The following UGT2B7 variants were observed in gnomAD, a reference collection of about 807,000 sequenced individuals.
UGT2B7 encodes the protein UDP glucuronosyltransferase family 2 member B7.
Under a neutral mutation model 51.9 loss-of-function variants are expected in UGT2B7, and 51 were observed. The observed-to-expected ratio is 0.98, with a 90% confidence interval of 0.78 to 1.24. The LOEUF (loss-of-function observed/expected upper bound fraction) is 1.24. Ranked by LOEUF, UGT2B7 falls within the 50% of genes most tolerant of loss-of-function variation. UGT2B7 has a pLI of 0.00. For synonymous variants in UGT2B7, 225 were observed against 211.6 expected, an observed-to-expected ratio of 1.06 and a Z score of -0.55; for missense variants, 727 against 628.4, an observed-to-expected ratio of 1.16 and a Z score of -1.68.
chr4:69,064,082 A>AAGAGAGAGAGAGAG, intron 1 of UGT2B7, among the ~76,000 whole-genome samples: 1 of 102,110 alleles, frequency 9.8e-6, no homozygotes, highest in East Asian at 3.1e-4. Flanking sequence ...GAAAGAAAGA[A>AAGAGAGAGAGAGAG]AGAAAGAAAG....
chr4:69,075,237 C>G (rs1466145539), intron 1 of UGT2B7, among the ~76,000 whole-genome samples: 2 of 152,038 alleles, frequency 1.3e-5, no homozygotes, highest in Admixed American at 6.6e-5. Context: ...GTGGTCCCTC[C>G]CCTTGAAATG....
At chr4:69,055,660 G>A (rs908882073) in intron 1 of UGT2B7, among the ~76,000 whole-genome samples, 11 of 152,112 alleles carry the variant, frequency 7.2e-5, no homozygotes, top group Non-Finnish European at 1.6e-4. Context: ...GTCACTTCAC[G>A]TTATGTTTGT....
intron 1 of UGT2B7, among the ~76,000 whole-genome samples, chr4:69,080,334 G>A (rs1056274775): frequency 6.6e-6 from 1 of 152,026 alleles, no homozygotes; most frequent in Admixed American, 6.6e-5. Flanking sequence ...GATCACCTGA[G>A]GTCAGGAGTT....
chr4:69,067,082 G>A (rs942790706), intron 1 of UGT2B7, among the ~76,000 whole-genome samples: 3 of 152,050 alleles, frequency 2.0e-5, no homozygotes, highest in African/African-American at 7.2e-5. Context: ...CTTCTTTTGT[G>A]GGGGAGGGTG....
intron 1 of UGT2B7, among the ~76,000 whole-genome samples, chr4:69,053,700 G>A (rs978557253): frequency 1.3e-5 from 2 of 152,182 alleles, no homozygotes; most frequent in African/African-American, 4.8e-5. Context: ...ACAGCAGGGA[G>A]GAGACAGCAT....
intron 1 of UGT2B7, chr4:69,066,252 A>G (rs1718482024): frequency 1.3e-5 from 2 of 152,074 alleles, no homozygotes; most frequent in Non-Finnish European, 2.9e-5. Context: ...TGTTTTACAG[A>G]TTATTTCATC....
intron 1 of UGT2B7, among the ~76,000 whole-genome samples, chr4:69,068,813 C>T (rs1718537922): frequency 6.6e-6 from 1 of 151,914 alleles, no homozygotes; most frequent in Non-Finnish European, 1.5e-5. Context: ...AAGCGAGATA[C>T]TTATATGCAT....
chr4:69,054,161 T>C (rs1227896096), intron 1 of UGT2B7, among the ~76,000 whole-genome samples: 1 of 150,586 alleles, frequency 6.6e-6, no homozygotes, highest in Admixed American at 6.6e-5. Flanking sequence ...AAAAAAAAAC[T>C]CATGTCGGCC....
chr4:69,112,110 A>G (rs1211585294), intron 5 of UGT2B7, among the ~76,000 whole-genome samples: 1 of 152,128 alleles, frequency 6.6e-6, no homozygotes, highest in East Asian at 1.9e-4. Context: ...TTAAAGATCG[A>G]CCCCTGACCT....
At chr4:69,092,297 A>C (rs115179596), upstream of UGT2B7, among the ~76,000 whole-genome samples, 1,588 of 152,286 alleles carry the variant, frequency 0.01, 29 homozygotes, top group African/African-American at 0.036. Flanking sequence ...AGGTAAAACT[A>C]AATATATTCT....
chr4:69,112,459 A>G lies in UGT2B7; in HGVS notation c.1313A>G (p.Tyr438Cys), dbSNP rs764088628. 2.0e-5 allele frequency: 32 copies of G among 1,612,916 alleles called. No homozygotes were observed. In the Admixed American group the frequency reaches 2.0e-4, roughly 10 times the overall value. Residue 438 changes from tyrosine to cysteine, a missense_variant and splice_region_variant, in exon 6 of 6, where the codon TAT becomes TGT. By Grantham distance (194) the Tyr-to-Cys change is radical (BLOSUM62 -2). Coordinates refer to ENST00000305231, the MANE Select transcript of UGT2B7 (RefSeq NM_001074.4). The part of the protein sequence containing the change: ...ALKRVINDPS[Y>C]KENVMKLSRI... Reference sequence around the variant, plus strand: ...CTGTCTTTATTTTTATCTTTCAGATATAAAGAGAATGTTATGAAATTATCA... The same window carrying G: ...CTGTCTTTATTTTTATCTTTCAGATGTAAAGAGAATGTTATGAAATTATCA...
intron 1 of UGT2B7, among the ~76,000 whole-genome samples, chr4:69,052,751 T>A (rs1477118183): frequency 6.6e-6 from 1 of 152,006 alleles, no homozygotes. Flanking sequence ...TTATAAAAAT[T>A]TATGCAAAAA....
rs371793551 is a variant in UGT2B7 at position 69,103,389 on chromosome 4, C to T, written c.1002+451C>T. Reference sequence around the variant, plus strand: ...CATGTGGCCCTGGAGGAGTTACTACCCTTGGTATGCATGAGTAGTTCCTAT... The same window carrying T: ...CATGTGGCCCTGGAGGAGTTACTACTCTTGGTATGCATGAGTAGTTCCTAT... On this transcript the variant is annotated intron_variant, in intron 3 of 5. Transcript: ENST00000305231. Among the ~76,000 whole-genome samples the T allele has an allele frequency of 1.6e-4, 25 of 151,986 alleles. 1 individual carries two copies. Among genetic ancestry groups the T allele is most frequent in the Middle Eastern group, 3.4e-3 (1 of 294 alleles).
Position 69,108,127 on chromosome 4 carries a change from T to C in UGT2B7, c.1115T>C (p.Ile372Thr), listed in dbSNP as rs757071222. 1 of 1,613,634 alleles carries C rather than the reference T, an allele frequency of 6.2e-7. No homozygotes were observed. Among genetic ancestry groups the C allele is most frequent in the Non-Finnish European group, 8.5e-7 (1 of 1,179,614 alleles). ...GGTCATCCAAAGACCAGAGCTTTTA[T>C]AACTCATGGTGGAGCCAATGGCATC... ...LLGHPKTRAFITHGGANGIYE... is the reference protein window; with the variant it reads ...LLGHPKTRAFTTHGGANGIYE... Residue 372 changes from isoleucine to threonine, a missense_variant, in exon 5 of 6, where the codon ATA becomes ACA. Transcript: ENST00000305231.
chr4:69,105,690 A>G (rs1719573414), intron 3 of UGT2B7, among the ~76,000 whole-genome samples: 1 of 152,198 alleles, frequency 6.6e-6, no homozygotes, highest in East Asian at 1.9e-4. Flanking sequence ...AATACTGATA[A>G]TACTCTGAAT....
At position 69,062,257 on chromosome 4, in the gene UGT2B7, G is replaced by A. The variant is rs192218639; in HGVS notation, c.-159+10655G>A. Among the ~76,000 whole-genome samples, 10 of 152,148 alleles carry A rather than the reference G, an allele frequency of 6.6e-5. No homozygotes were observed. In the East Asian group the frequency reaches 1.7e-3, roughly 27 times the overall value. On this transcript the variant is annotated intron_variant, in intron 1 of 5. Transcript: ENST00000502942. ...ACAAAACAAACCACACTGGGTATTTGCCCAATGAGATTTTGTTCAGCCAGC... is the reference window on the plus strand; with the variant it reads ...ACAAAACAAACCACACTGGGTATTTACCCAATGAGATTTTGTTCAGCCAGC...
intron 3 of UGT2B7, among the ~76,000 whole-genome samples, chr4:69,106,089 TA>T (rs1719589063): frequency 6.6e-6 from 1 of 152,170 alleles, no homozygotes; most frequent in African/African-American, 2.4e-5. Flanking sequence ...TTTAAAAAAT[TA>T]AATTAATTTA....
intron 1 of UGT2B7, among the ~76,000 whole-genome samples, chr4:69,060,554 T>G (rs1718322485): frequency 6.6e-6 from 1 of 152,204 alleles, no homozygotes; most frequent in South Asian, 2.1e-4. Context: ...CCTTTCTTTT[T>G]ATATGTCCAT....
chr4:69,067,937 ATAT>A (rs1378968117), intron 1 of UGT2B7, among the ~76,000 whole-genome samples: 2 of 152,042 alleles, frequency 1.3e-5, no homozygotes, highest in Non-Finnish European at 2.9e-5. Flanking sequence ...AAAACCATAA[ATAT>A]TATTACAGTA....
Sources: gnomAD v4.1 joint callset for allele counts (sites outside exome capture counted in the v4.1 genomes callset) on GRCh38, gnomAD v4.1.1 for gene constraint, MANE v1.5 for transcripts, NCBI Gene and HGNC (gene_info 2026-07-23, HGNC 2026-07-21) for gene names.